SIPA1L3: variants seen among roughly 807,000 people sequenced by gnomAD.
SIPA1L3 encodes signal induced proliferation associated 1 like 3, also known as signal-induced proliferation-associated 1-like protein 3.
A neutral mutation model predicts 150.1 loss-of-function variants in SIPA1L3; 59 were observed. The observed-to-expected ratio is 0.39, with a 90% CI of 0.32 to 0.49. The LOEUF is 0.49. SIPA1L3 is among the 20% of genes least tolerant of loss of function. The pLI, the probability that SIPA1L3 is intolerant of heterozygous loss-of-function variation, is 0.86. For synonymous variants in SIPA1L3, 1,070 were observed against 1,077.6 expected (o/e 0.99, Z 0.14); for missense variants, 2,211 against 2,489.5 (o/e 0.89, Z 2.38).
chr19:38,066,125 G>T (rs949993925), intron 2 of SIPA1L3, among the ~76,000 whole-genome samples: 12 of 151,464 alleles, frequency 7.9e-5, no homozygotes, highest in Non-Finnish European at 1.6e-4. Context: ...TGATCCTCCC[G>T]CCTCAGCCTC....
At chr19:38,059,848 G>T (rs1969410006) in intron 2 of SIPA1L3, among the ~76,000 whole-genome samples, 1 of 151,658 alleles carries the variant, frequency 6.6e-6, no homozygotes, top group South Asian at 2.1e-4. Flanking sequence ...GCAATCTCCG[G>T]TCACTGCAGC....
rs148272740 is a variant in SIPA1L3 at position 37,980,084 on chromosome 19, C to A, written c.-378-49005C>A. Among the ~76,000 whole-genome samples the A allele has an allele frequency of 3.0e-4, 46 of 152,348 alleles. 1 individual carries two copies. In the East Asian group the frequency reaches 6.9e-3, roughly 23 times the overall value. The stretch of plus-strand genomic sequence containing the variant: ...ATGTATTCAGGCCTGCTCTCACAGG[C>A]CTTCCTTGACCCTCTCCCCATCACT... On this transcript the variant is annotated intron_variant, in intron 1 of 21. Coordinates refer to ENST00000222345, the MANE Select transcript of SIPA1L3 (RefSeq NM_015073.3).
At position 37,921,686 on chromosome 19, in the gene SIPA1L3, G is replaced by A. The variant is rs1350797856; in HGVS notation, c.-379+14328G>A. ...CACGATCACAACTCACCGCAACCTCGAACTCCTGGGCTCAAGTGATCCTCC... is the reference window on the plus strand; with the variant it reads ...CACGATCACAACTCACCGCAACCTCAAACTCCTGGGCTCAAGTGATCCTCC... On this transcript the variant is annotated intron_variant, in intron 1 of 21. Coordinates refer to ENST00000222345, the MANE Select transcript of SIPA1L3 (RefSeq NM_015073.3). 3.5e-4 allele frequency among the ~76,000 whole-genome samples: 52 copies of A among 150,460 alleles called. 1 individual carries two copies. Among genetic ancestry groups the A allele is most frequent in the African/African-American group, 7.3e-5 (3 of 40,830 alleles).
intron 1 of SIPA1L3, among the ~76,000 whole-genome samples, chr19:37,949,709 C>T (rs1049511779): frequency 1.3e-5 from 2 of 151,760 alleles, no homozygotes; most frequent in African/African-American, 2.4e-5. Context: ...GCCTGAAAGA[C>T]CCACTCCCCT....
chr19:38,088,914 TC>T lies in SIPA1L3; in HGVS notation c.1665+64del, dbSNP rs1970201353. On this transcript the variant is annotated intron_variant, in intron 4 of 21. Coordinates refer to ENST00000222345, the MANE Select transcript of SIPA1L3 (RefSeq NM_015073.3). ...TAGCCACTCACATCTCGAGCCAGGT[TC>T]TGGGGGCAAACGCTTCCCCAGCTTC... 1.4e-5 allele frequency: 22 copies of T among 1,580,914 alleles called. No individual in the cohort carries two copies. The South Asian group carries it at 2.4e-4, about 17-fold the overall frequency.
In SIPA1L3 at chr19:37,981,301, G is replaced by T. The variant is rs181986604; in HGVS notation, c.-378-47788G>T. Among the ~76,000 whole-genome samples the T allele has an allele frequency of 3.9e-5, 6 of 152,046 alleles. No individual in the cohort carries two copies. In the East Asian group the frequency reaches 1.2e-3, roughly 30 times the overall value. Reference sequence around the variant, plus strand: ...ATGAGCCAGGTGGTGGCACGTGACTGTAGTCTCAGCTACTCAGGAGGCTGA... The same window carrying T: ...ATGAGCCAGGTGGTGGCACGTGACTTTAGTCTCAGCTACTCAGGAGGCTGA... On this transcript the variant is annotated intron_variant, in intron 1 of 21. Coordinates refer to ENST00000222345, the MANE Select transcript of SIPA1L3 (RefSeq NM_015073.3).
At chr19:38,197,557 C>T (rs1972988496) in intron 18 of SIPA1L3, among the ~76,000 whole-genome samples, 1 of 152,012 alleles carries the variant, frequency 6.6e-6, no homozygotes. Flanking sequence ...TGGGACTCTC[C>T]TCGTCGCCAG....
intron 13 of SIPA1L3, among the ~76,000 whole-genome samples, chr19:38,161,061 G>C (rs1359527386): frequency 6.6e-6 from 1 of 151,992 alleles, no homozygotes; most frequent in African/African-American, 2.4e-5. Flanking sequence ...AAAAAGTTGT[G>C]GGCCGGGCAC....
At chr19:38,142,050 C>A (rs1036136598) in intron 11 of SIPA1L3, among the ~76,000 whole-genome samples, 5 of 152,162 alleles carry the variant, frequency 3.3e-5, no homozygotes, top group Non-Finnish European at 5.9e-5. Flanking sequence ...ACAGTGACTT[C>A]TTCCTGGAGG....
In SIPA1L3 at chr19:38,098,321, C is replaced by T. The variant is rs536960568; in HGVS notation, c.1666-1641C>T. Among the ~76,000 whole-genome samples, 40 of 151,974 alleles carry T rather than the reference C, an allele frequency of 2.6e-4. No homozygotes were observed. The East Asian group carries it at 7.0e-3, about 26-fold the overall frequency. ...CCTCATGATTGCAATCTGGCTGCCA[C>T]AGCTCCAAACATTTCATTCTCATAC... On this transcript the variant is annotated intron_variant, in intron 4 of 21. Transcript: ENST00000222345.
chr19:38,145,567 G>A (rs1236529938), intron 12 of SIPA1L3, among the ~76,000 whole-genome samples: 3 of 151,576 alleles, frequency 2.0e-5, no homozygotes, highest in South Asian at 4.2e-4. Flanking sequence ...ATACAGGGAG[G>A]TCTTGTGAAC....
At chr19:37,920,691 AT>A (rs1320157605) in intron 1 of SIPA1L3, among the ~76,000 whole-genome samples, 1 of 152,234 alleles carries the variant, frequency 6.6e-6, no homozygotes, top group Non-Finnish European at 1.5e-5. Context: ...GTCCACTTAT[AT>A]AATACAAATG....
At chr19:38,193,889 C>A in intron 18 of SIPA1L3, 109 bp downstream of exon 18, 2 of 1,236,238 alleles carry the variant, frequency 1.6e-6, no homozygotes, top group South Asian at 3.4e-5. Flanking sequence ...TCATCAGTGT[C>A]GGGGCCATCT....
At chr19:37,942,545 A>AGGGGGGGGGGGGGG (rs2046669308) in intron 1 of SIPA1L3, among the ~76,000 whole-genome samples, 1 of 118,720 alleles carries the variant, frequency 8.4e-6, no homozygotes, top group African/African-American at 3.2e-5. Context: ...GGGGGAGGGC[A>AGGGGGGGGGGGGGG]GGAGACGGGG....
At chr19:37,983,987 C>T (rs930654599) in intron 1 of SIPA1L3, among the ~76,000 whole-genome samples, 6 of 151,194 alleles carry the variant, frequency 4.0e-5, no homozygotes, top group Non-Finnish European at 7.4e-5. Context: ...TTGCTTCATA[C>T]AGGCATGATT....
At chr19:38,004,407 A>G (rs2145666379) in intron 1 of SIPA1L3, among the ~76,000 whole-genome samples, 1 of 152,326 alleles carries the variant, frequency 6.6e-6, no homozygotes, top group South Asian at 2.1e-4. Context: ...TGGCTCATTC[A>G]ACTGGAAAGC....
chr19:37,945,297 C>A (rs554145455), intron 1 of SIPA1L3, among the ~76,000 whole-genome samples: 1 of 151,612 alleles, frequency 6.6e-6, no homozygotes, highest in African/African-American at 2.4e-5. Context: ...TGCAGTGGTG[C>A]GATCTCGGCT....
At chr19:38,143,713 A>G (rs941077953) in intron 12 of SIPA1L3, among the ~76,000 whole-genome samples, 1 of 151,618 alleles carries the variant, frequency 6.6e-6, no homozygotes, top group Non-Finnish European at 1.5e-5. Context: ...TAATTTTTGT[A>G]TTTTTAGTAG....
intron 13 of SIPA1L3, among the ~76,000 whole-genome samples, chr19:38,158,539 A>G (rs1972001305): frequency 1.3e-5 from 2 of 152,160 alleles, no homozygotes; most frequent in Admixed American, 1.3e-4. Flanking sequence ...TCTTCTGTGC[A>G]GAGGAGGGGC....
Sources: gnomAD v4.1 joint callset for allele counts (sites outside exome capture counted in the v4.1 genomes callset) on GRCh38, gnomAD v4.1.1 for gene constraint, MANE v1.5 for transcripts, NCBI Gene and HGNC (gene_info 2026-07-23, HGNC 2026-07-21) for gene names.